ENPEP: variants seen among roughly 807,000 people sequenced by gnomAD.
ENPEP encodes glutamyl aminopeptidase.
ENPEP carries 103 observed loss-of-function variants against 114.5 expected under a neutral mutation model. That is an observed-to-expected ratio of 0.90 (90% CI 0.77 to 1.06). ENPEP has a LOEUF of 1.06. Ranked by LOEUF, ENPEP falls within the 50% of genes least tolerant of loss-of-function variation. The pLI, the probability that ENPEP is intolerant of heterozygous loss-of-function variation, is 0.00. For synonymous variants in ENPEP, 420 were observed against 422.0 expected (o/e 1.00, Z 0.06); for missense variants, 1,196 against 1,161.3 (o/e 1.03, Z -0.43).
At chr4:110,516,774 A>G (rs1725786920) in intron 8 of ENPEP, among the ~76,000 whole-genome samples, 1 of 152,186 alleles carries the variant, frequency 6.6e-6, no homozygotes, top group Non-Finnish European at 1.5e-5. Context: ...ATTTGGAAGT[A>G]TATCAGTATA....
In ENPEP at chr4:110,476,508, A is replaced by G. The variant is rs72890294; in HGVS notation, c.94A>G (p.Ile32Val). The G allele has an allele frequency of 5.1e-3, 8,194 of 1,598,144 alleles. 372 individuals carry two copies. In the African/African-American group the frequency reaches 0.095, roughly 18 times the overall value. ...TGCGGTGGTGGTGGGTGTAGGATTAATAGTGGGACTTGCCGTGGGCTTGAC... is the reference window on the plus strand; with the variant it reads ...TGCGGTGGTGGTGGGTGTAGGATTAGTAGTGGGACTTGCCGTGGGCTTGAC... ...LCAVVVGVGL[I>V]VGLAVGLTRS... Residue 32 changes from isoleucine to valine, a missense_variant, in exon 1 of 20, where the codon ATA (isoleucine) becomes GTA (valine). By Grantham distance (29) the Ile-to-Val change is conservative (BLOSUM62 3). Coordinates refer to ENST00000265162, the MANE Select transcript of ENPEP (RefSeq NM_001977.4).
chr4:110,476,999 G>A lies in ENPEP; in HGVS notation c.585G>A (p.Trp195Ter). Residue 195 changes from tryptophan to a stop codon, truncating the protein, a stop_gained, in exon 1 of 20, where the codon TGG (tryptophan) becomes TGA (stop). Transcript: ENST00000265162. LOFTEE classifies it high-confidence loss of function. ...TCCTGACCATGGAGTTCGCCGGCTG[G>A]CTGAACGGCTCCCTCGTGGGATTTT... ...LYLLTMEFAG[W>*]LNGSLVGFYR... The A allele has an allele frequency of 6.2e-7, 1 of 1,614,198 alleles. No individual in the cohort carries two copies. The highest frequency in any genetic ancestry group is 8.5e-7 in the Non-Finnish European group (1 of 1,180,040).
In ENPEP at chr4:110,531,251, T is replaced by A; in HGVS notation, c.1781T>A (p.Val594Glu). 1 of 1,458,104 alleles carries A rather than the reference T, an allele frequency of 6.9e-7. No homozygotes were observed. The highest frequency in any genetic ancestry group is 1.4e-5 in the South Asian group (1 of 69,996). The allele number at this position is 1,458,104 out of a possible 1,614,324, so 90.3% of individuals were successfully genotyped here. The change falls in exon 11 of 20, where the codon GTG (valine) becomes GAG (glutamate). Residue 594 changes from valine (V) to glutamate (E), a missense_variant. Transcript: ENST00000265162. ...KWTEDNITSSVLFNRSEKEGI... is the reference protein window; with the variant it reads ...KWTEDNITSSELFNRSEKEGI... ...ACTGAAGATAATATAACAAGCAGTG[T>A]GTTATTTAATAGGTCAGAAAAAGAA...
At position 110,491,087 on chromosome 4, in the gene ENPEP, C is replaced by T; in HGVS notation, c.841C>T (p.Pro281Ser). 2 of 1,612,560 alleles carry T rather than the reference C, an allele frequency of 1.2e-6. No individual in the cohort carries two copies. The highest frequency in any genetic ancestry group is 8.5e-7 in the Non-Finnish European group (1 of 1,179,860). The change falls in exon 3 of 20, where the codon CCC (proline) becomes TCC (serine). Residue 281 changes from proline to serine, a missense_variant. Pro to Ser is a moderately conservative substitution (Grantham distance 74, BLOSUM62 -1). Transcript: ENST00000265162. ...WTRTTFEKSV[P>S]MSTYLVCFAV... ...TCGAACAACTTTTGAGAAGTCTGTC[C>T]CCATGAGCACGTACCTGGTGTGCTT...
chr4:110,533,927 C>A (rs570301965), intron 11 of ENPEP, among the ~76,000 whole-genome samples: 2 of 152,144 alleles, frequency 1.3e-5, no homozygotes, highest in Non-Finnish European at 2.9e-5. Context: ...AGTTACAGAG[C>A]TTTGATGACA....
intron 10 of ENPEP, among the ~76,000 whole-genome samples, chr4:110,520,800 A>C (rs1725960206): frequency 6.6e-6 from 1 of 152,286 alleles, no homozygotes; most frequent in East Asian, 1.9e-4. Context: ...AAGAGTGAGA[A>C]GTGAGGCTGG....
intron 18 of ENPEP, among the ~76,000 whole-genome samples, chr4:110,555,607 G>C (rs1004617491): frequency 6.6e-6 from 1 of 151,996 alleles, no homozygotes; most frequent in South Asian, 2.1e-4. Context: ...AGATGAAACT[G>C]TGAAGTTGAG....
At chr4:110,524,285 T>G (rs1378531840) in intron 10 of ENPEP, among the ~76,000 whole-genome samples, 6 of 151,920 alleles carry the variant, frequency 3.9e-5, no homozygotes, top group Non-Finnish European at 8.8e-5. Flanking sequence ...GAAGGGTGAG[T>G]AAGGAGATGG....
intron 8 of ENPEP, chr4:110,519,088 A>C (rs1008111934): frequency 3.3e-5 from 15 of 455,700 alleles, no homozygotes; most frequent in Non-Finnish European, 6.2e-5. Flanking sequence ...CTCTGGTGGT[A>C]GTGCCAAGAA....
At chr4:110,486,192 A>T (rs1489307500) in intron 1 of ENPEP, among the ~76,000 whole-genome samples, 2 of 152,182 alleles carry the variant, frequency 1.3e-5, no homozygotes, top group Non-Finnish European at 2.9e-5. Context: ...CAGAGTAAGG[A>T]CTCAGAGATT....
chr4:110,561,099 C>CTT (rs1727660742), intron 19 of ENPEP, among the ~76,000 whole-genome samples: 1 of 152,088 alleles, frequency 6.6e-6, no homozygotes, highest in Non-Finnish European at 1.5e-5. Flanking sequence ...TTGGGGAATT[C>CTT]AGAGAAAATA....
intron 5 of ENPEP, 136 bp downstream of exon 5, chr4:110,509,943 C>T: frequency 8.2e-7 from 1 of 1,223,288 alleles, no homozygotes; most frequent in East Asian, 2.6e-5. Flanking sequence ...TTTCTTGGTA[C>T]TAATAAACAT....
At chr4:110,491,527 G>A (rs1724720785) in intron 3 of ENPEP, among the ~76,000 whole-genome samples, 1 of 152,164 alleles carries the variant, frequency 6.6e-6, no homozygotes, top group South Asian at 2.1e-4. Context: ...ACTAGAGAGA[G>A]AGGAGGAAAC....
At position 110,549,882 on chromosome 4, in the gene ENPEP, T is replaced by C. The variant is rs773473347; in HGVS notation, c.2497T>C (p.Ser833Pro). 4.4e-6 allele frequency: 7 copies of C among 1,607,684 alleles called. No homozygotes were observed. The South Asian group carries it at 6.7e-5, about 15-fold the overall frequency. The change falls in exon 17 of 20, where the codon TCA becomes CCA. Residue 833 changes from serine to proline, a missense_variant. By Grantham distance (74) the Ser-to-Pro change is moderately conservative. Transcript: ENST00000265162. Reference sequence around the variant, plus strand: ...ATCAGTGAAGAACGTTACTCTTTTGTCAAGGTAAGTTGGGCTTTTATTTCA... The same window carrying C: ...ATCAGTGAAGAACGTTACTCTTTTGCCAAGGTAAGTTGGGCTTTTATTTCA... ...LASVKNVTLL[S>P]RYLDLLKDTN...
At chr4:110,521,994 T>C (rs907641175) in intron 10 of ENPEP, among the ~76,000 whole-genome samples, 1 of 151,728 alleles carries the variant, frequency 6.6e-6, no homozygotes, top group East Asian at 1.9e-4. Context: ...TTCTCCTGCC[T>C]CAACCTCCCA....
chr4:110,556,779 A>C (rs1033378042), intron 18 of ENPEP, among the ~76,000 whole-genome samples: 1 of 152,076 alleles, frequency 6.6e-6, no homozygotes, highest in African/African-American at 2.4e-5. Context: ...TGTTATTTTT[A>C]TGTATCTTTG....
chr4:110,525,374 A>G (rs1726156927), intron 10 of ENPEP, among the ~76,000 whole-genome samples: 1 of 152,208 alleles, frequency 6.6e-6, no homozygotes, highest in South Asian at 2.1e-4. Context: ...CTGGCAGCGT[A>G]GCACATCACT....
chr4:110,536,724 A>T (rs1432028196), intron 11 of ENPEP, among the ~76,000 whole-genome samples: 3 of 151,582 alleles, frequency 2.0e-5, no homozygotes, highest in Non-Finnish European at 4.4e-5. Flanking sequence ...TCACTACCCA[A>T]CTCTCCTTTG....
intron 10 of ENPEP, among the ~76,000 whole-genome samples, chr4:110,526,190 C>T (rs182596906): frequency 5.3e-5 from 8 of 152,144 alleles, no homozygotes; most frequent in African/African-American, 9.6e-5. Flanking sequence ...GCAGGAGACT[C>T]GCTTGAACCT....
Sources: allele counts gnomAD v4.1 joint callset (sites outside exome capture counted in the v4.1 genomes callset), GRCh38; gene constraint gnomAD v4.1.1; transcripts MANE v1.5; gene names NCBI Gene and HGNC (gene_info 2026-07-23, HGNC 2026-07-21).